The following PCDHA3 variants were observed in gnomAD, a reference collection of about 807,000 sequenced individuals.
PCDHA3 encodes the protein protocadherin alpha 3.
In PCDHA3, 41 loss-of-function variants were observed where a neutral mutation model predicts 62.2. That is an observed-to-expected ratio of 0.66 (90% CI 0.51 to 0.86). The LOEUF is 0.86. PCDHA3 is among the 40% of genes least tolerant of loss of function. PCDHA3 has a pLI of 0.00. For synonymous variants in PCDHA3, 640 were observed against 555.4 expected, an observed-to-expected ratio of 1.15 and a Z score of -2.14; for missense variants, 1,304 against 1,241.2, an observed-to-expected ratio of 1.05 and a Z score of -0.76.
At chr5:140,883,757 C>A (rs369534214) in intron 1 of PCDHA3, 175 of 1,612,790 alleles carry the variant, frequency 1.1e-4, no homozygotes, top group Non-Finnish European at 1.5e-4. Flanking sequence ...GCTGGTGGAG[C>A]GGCGGGTGGG....
chr5:140,802,625 G>A lies in PCDHA3; in HGVS notation c.1428G>A (p.Thr476=). ...ENNPPGCHIF[T]VSARDADAQE... is the part of the protein sequence containing the mutation. ...ACCCGCCGGGCTGCCACATCTTCAC[G>A]GTGTCTGCGCGGGACGCGGACGCGC... The change falls in exon 1 of 4, where the codon ACG becomes ACA. Residue 476 remains threonine, a synonymous_variant. Transcript: ENST00000522353. 1.2e-6 allele frequency: 2 copies of A among 1,613,958 alleles called. No individual in the cohort carries two copies. Among genetic ancestry groups the A allele is most frequent in the Non-Finnish European group, 8.5e-7 (1 of 1,179,926 alleles).
intron 1 of PCDHA3, chr5:140,811,804 A>C (rs1764963643): frequency 6.6e-6 from 1 of 152,160 alleles, no homozygotes; most frequent in South Asian, 2.1e-4. Context: ...TCTTCTTTTG[A>C]GAAGTGTCTG....
At chr5:140,931,035 C>A (rs2153606811) in intron 1 of PCDHA3, among the ~76,000 whole-genome samples, 1 of 152,250 alleles carries the variant, frequency 6.6e-6, no homozygotes, top group Non-Finnish European at 1.5e-5. Context: ...GTAGAGCTAG[C>A]AAGAAAAACT....
intron 1 of PCDHA3, among the ~76,000 whole-genome samples, chr5:140,940,415 A>G (rs1187271340): frequency 2.0e-5 from 3 of 152,118 alleles, no homozygotes; most frequent in African/African-American, 7.2e-5. Flanking sequence ...TAAAAATTAT[A>G]ATTATTACTG....
Position 140,807,576 on chromosome 5 carries a change from C to G in PCDHA3, c.2394+3985C>G, listed in dbSNP as rs1763970133. 3 of 1,614,160 alleles carry G rather than the reference C, an allele frequency of 1.9e-6. No individual in the cohort carries two copies. In the East Asian group the frequency reaches 6.7e-5, roughly 36 times the overall value. On this transcript the variant is annotated intron_variant, in intron 1 of 3. Coordinates refer to ENST00000522353, the MANE Select transcript of PCDHA3 (RefSeq NM_018906.3). ...GAGGTGAGGGACATTAACGATAACC[C>G]GCCGGTGTTCCCAGCAACACAAAAG...
chr5:140,849,548 T>C, intron 1 of PCDHA3: 1 of 1,598,372 alleles, frequency 6.3e-7, no homozygotes, highest in Non-Finnish European at 8.6e-7. Flanking sequence ...CACAGTTGAC[T>C]ATCAAAACGC....
At chr5:140,941,331 T>G (rs1277354289) in intron 1 of PCDHA3, among the ~76,000 whole-genome samples, 1 of 148,120 alleles carries the variant, frequency 6.8e-6, no homozygotes. Context: ...TTTTTTTTTT[T>G]TTTCAGATGG....
chr5:140,875,411 T>C, intron 1 of PCDHA3: 1 of 1,503,674 alleles, frequency 6.7e-7, no homozygotes, highest in Non-Finnish European at 8.9e-7. Context: ...GCTCATAAAA[T>C]ACCTCAGGCA....
At position 140,876,601 on chromosome 5, in the gene PCDHA3, C is replaced by A. The variant is rs143847585; in HGVS notation, c.2394+73010C>A. The A allele has an allele frequency of 2.5e-4, 409 of 1,614,152 alleles. No individual in the cohort carries two copies. The highest frequency in any genetic ancestry group is 3.3e-4 in the Non-Finnish European group (387 of 1,180,034). ...CATTGCCCTGATTAGCGTGTCGGAT[C>A]GTGACTCTGGAGCCAATGGACAGGT... On this transcript the variant is annotated intron_variant, in intron 1 of 3. Coordinates refer to ENST00000522353, the MANE Select transcript of PCDHA3 (RefSeq NM_018906.3).
intron 1 of PCDHA3, among the ~76,000 whole-genome samples, chr5:140,893,868 AGATC>A (rs1369386852): frequency 1.3e-5 from 2 of 152,168 alleles, no homozygotes; most frequent in Non-Finnish European, 2.9e-5. Context: ...GAAACAACCC[AGATC>A]CAAAGTGGCC....
At chr5:140,926,118 G>C (rs927468824) in intron 1 of PCDHA3, among the ~76,000 whole-genome samples, 3 of 152,174 alleles carry the variant, frequency 2.0e-5, no homozygotes, top group African/African-American at 7.2e-5. Flanking sequence ...GTGCAGGACA[G>C]ACTTCAACCC....
chr5:140,972,832 T>G (rs1209140344), intron 1 of PCDHA3, among the ~76,000 whole-genome samples: 9 of 151,882 alleles, frequency 5.9e-5, no homozygotes. Flanking sequence ...CCTGGCTAAT[T>G]TTTGTATTTT....
chr5:140,873,065 C>G (rs1436390392), intron 1 of PCDHA3, among the ~76,000 whole-genome samples: 3 of 152,140 alleles, frequency 2.0e-5, no homozygotes, highest in Admixed American at 2.0e-4. Context: ...TCTTGAGAAT[C>G]ATATCTAGCT....
chr5:140,822,002 T>G, intron 1 of PCDHA3: 1 of 1,614,048 alleles, frequency 6.2e-7, no homozygotes, highest in Non-Finnish European at 8.5e-7. Context: ...CTTCTGGAGG[T>G]AAATCTGCAG....
intron 1 of PCDHA3, among the ~76,000 whole-genome samples, chr5:140,913,536 C>A (rs949214910): frequency 4.6e-5 from 7 of 151,882 alleles, no homozygotes; most frequent in Non-Finnish European, 8.8e-5. Context: ...AAAAGATTGA[C>A]TTTTTGTTTT....
intron 1 of PCDHA3, among the ~76,000 whole-genome samples, chr5:140,949,990 C>T (rs2094438709): frequency 6.6e-6 from 1 of 151,832 alleles, no homozygotes; most frequent in Non-Finnish European, 1.5e-5. Context: ...TAACTTTTCT[C>T]AGTCCACTTA....
At chr5:140,986,052 C>A (rs896963006) in intron 3 of PCDHA3, among the ~76,000 whole-genome samples, 3 of 152,066 alleles carry the variant, frequency 2.0e-5, no homozygotes, top group Admixed American at 1.3e-4. Flanking sequence ...CTGATGAATT[C>A]TTTTGCTTTT....
Position 140,993,509 on chromosome 5 carries a change from CGGGGAGAGAG to C in PCDHA3, c.2542+10947_2542+10956del, listed in dbSNP as rs2097568307. Among the ~76,000 whole-genome samples, 3 of 143,488 alleles carry C rather than the reference CGGGGAGAGAG, an allele frequency of 2.1e-5. No homozygotes were observed. In the Admixed American group the frequency reaches 2.1e-4, roughly 10 times the overall value. 94.1% of individuals were successfully genotyped at this position (143,488 alleles called of 152,430 possible). A position where few individuals can be genotyped will look rare whatever the true frequency, so the allele number is the denominator to read the frequency against. On this transcript the variant is annotated intron_variant, in intron 3 of 3. Coordinates refer to ENST00000522353, the MANE Select transcript of PCDHA3 (RefSeq NM_018906.3). Reference sequence around the variant, plus strand: ...ACACACACACACACACACACACACACGGGGAGAGAGAGACAGAGAGAGAGAGAGATAGAGA... The same window carrying C: ...ACACACACACACACACACACACACACAGACAGAGAGAGAGAGAGATAGAGA...
intron 1 of PCDHA3, among the ~76,000 whole-genome samples, chr5:140,914,169 G>A (rs997751296): frequency 1.1e-4 from 17 of 152,140 alleles, no homozygotes; most frequent in Admixed American, 6.5e-5. Context: ...GGAAAGTGGG[G>A]TGTTGAATTC....
Sources: allele counts gnomAD v4.1 joint callset (sites outside exome capture counted in the v4.1 genomes callset), GRCh38; gene constraint gnomAD v4.1.1; transcripts MANE v1.5; gene names NCBI Gene and HGNC (gene_info 2026-07-23, HGNC 2026-07-21).